SLK: variants seen among roughly 807,000 people sequenced by gnomAD.
SLK encodes STE20 like kinase.
SLK carries 67 observed loss-of-function variants against 147.7 expected under a neutral mutation model. The ratio of observed to expected loss-of-function variants is 0.45; its 90% CI spans 0.37 to 0.56. The LOEUF (loss-of-function observed/expected upper bound fraction) is 0.56, where lower values mean the gene tolerates loss of function less well. Ranked by LOEUF, SLK falls within the 20% of genes least tolerant of loss-of-function variation. The pLI, the probability that SLK is intolerant of heterozygous loss-of-function variation, is 0.00. For missense variants in SLK, 1,136 were observed against 1,438.8 expected, an observed-to-expected ratio of 0.79 and a Z score of 3.41; for synonymous variants, 441 against 475.0, an observed-to-expected ratio of 0.93 and a Z score of 0.93.
rs927148479 is a variant in SLK at position 103,969,754 on chromosome 10, G to T, written c.150+1859G>T. Among the ~76,000 whole-genome samples the T allele has an allele frequency of 2.0e-5, 3 of 152,292 alleles. No homozygotes were observed. In the South Asian group the frequency reaches 6.2e-4, roughly 32 times the overall value. ...TTAGTGCTGGCTGTCACAAACCAGC[G>T]TTGTAATCCTGGACAAAACACTTAA... On this transcript the variant is annotated intron_variant, in intron 1 of 18. Coordinates refer to ENST00000369755, the MANE Select transcript of SLK (RefSeq NM_014720.4).
chr10:103,992,839 G>A, intron 3 of SLK, 145 bp from the exon 4 acceptor site: 3 of 362,824 alleles, frequency 8.3e-6, no homozygotes, highest in Non-Finnish European at 1.4e-5. Flanking sequence ...TGTCAAGAAT[G>A]TGATCTTTGT....
intron 4 of SLK, among the ~76,000 whole-genome samples, chr10:103,997,775 T>G (rs1438642197): frequency 6.6e-6 from 1 of 152,128 alleles, no homozygotes; most frequent in Admixed American, 6.5e-5. Flanking sequence ...ATGGCTCTTT[T>G]ATGTTTTTCA....
chr10:104,001,159 C>T (rs918213631), intron 7 of SLK, among the ~76,000 whole-genome samples: 4 of 149,740 alleles, frequency 2.7e-5, no homozygotes, highest in African/African-American at 9.9e-5. Flanking sequence ...TTCAAACACA[C>T]AGAAAGTACA....
At chr10:104,019,533 A>C (rs1203655080) in intron 15 of SLK, among the ~76,000 whole-genome samples, 1 of 152,112 alleles carries the variant, frequency 6.6e-6, no homozygotes, top group African/African-American at 2.4e-5. Flanking sequence ...CAGCCTCCCA[A>C]AGTGCTGGGA....
chr10:104,016,406 A>C lies in SLK; in HGVS notation c.2878-1754A>C, dbSNP rs1364669330. Reference sequence around the variant, plus strand: ...AGTAGGAAAAAGAAAAGCTTGAACAACTTTGTTATAACTACTTAAAAGATA... The same window carrying C: ...AGTAGGAAAAAGAAAAGCTTGAACACCTTTGTTATAACTACTTAAAAGATA... On this transcript the variant is annotated intron_variant, in intron 13 of 18. Coordinates refer to ENST00000369755, the MANE Select transcript of SLK (RefSeq NM_014720.4). Among the ~76,000 whole-genome samples, 4 of 152,184 alleles carry C rather than the reference A, an allele frequency of 2.6e-5. No individual in the cohort carries two copies. In the East Asian group the frequency reaches 7.7e-4, roughly 29 times the overall value.
chr10:103,990,856 G>A lies in SLK; in HGVS notation c.315+17G>A. On this transcript the variant is annotated intron_variant, in intron 2 of 18. Transcript: ENST00000369755. ...AATCTTTGGGTAAGTATTTTCTGTT[G>A]ATCTAAAGGAGTAGCCAAAATGAGT... 4 of 1,450,636 alleles carry A rather than the reference G, an allele frequency of 2.8e-6. No individual in the cohort carries two copies. The highest frequency in any genetic ancestry group is 2.7e-6 in the Non-Finnish European group (3 of 1,101,066). 89.9% of individuals were successfully genotyped at this position (1,450,636 alleles called of 1,614,324 possible). A position where few individuals can be genotyped will look rare whatever the true frequency, so the allele number is the denominator to read the frequency against.
chr10:104,008,110 A>G (rs1844351998), intron 11 of SLK, 67 bp from the exon 12 acceptor site: 1 of 1,214,314 alleles, frequency 8.2e-7, no homozygotes, highest in Middle Eastern at 2.0e-4. Context: ...CTTAGGAAAC[A>G]TCTTTACTAT....
intron 9 of SLK, 121 bp downstream of exon 9, chr10:104,003,648 A>G (rs61861270): frequency 0.014 from 11,836 of 830,148 alleles, 108 homozygotes; most frequent in Middle Eastern, 0.017. Flanking sequence ...AACAATATAA[A>G]TTCTTACAGC....
chr10:103,990,359 A>G (rs961833032), intron 1 of SLK, among the ~76,000 whole-genome samples: 14 of 152,244 alleles, frequency 9.2e-5, no homozygotes, highest in African/African-American at 3.4e-4. Context: ...ATGTAGGTTC[A>G]TCATAGCAAC....
intron 4 of SLK, among the ~76,000 whole-genome samples, chr10:103,996,040 C>T (rs1027796999): frequency 5.3e-5 from 8 of 152,136 alleles, no homozygotes; most frequent in African/African-American, 1.7e-4. Context: ...ATATTTAATG[C>T]TCACCACCAC....
chr10:103,997,502 C>T (rs1844190469), intron 4 of SLK, among the ~76,000 whole-genome samples: 1 of 152,088 alleles, frequency 6.6e-6, no homozygotes, highest in South Asian at 2.1e-4. Flanking sequence ...GACCACCATG[C>T]TGTTCTCCAT....
intron 13 of SLK, among the ~76,000 whole-genome samples, chr10:104,012,727 C>CT (rs1349469559): frequency 6.6e-6 from 1 of 152,190 alleles, no homozygotes; most frequent in Non-Finnish European, 1.5e-5. Flanking sequence ...CCTACTTGTG[C>CT]TGCAACTTAA....
chr10:103,989,296 A>C (rs1354379226), intron 1 of SLK, among the ~76,000 whole-genome samples: 1 of 152,176 alleles, frequency 6.6e-6, no homozygotes, highest in Non-Finnish European at 1.5e-5. Context: ...TCATCAGGGA[A>C]TTGTAAATTG....
At chr10:103,997,671 C>T (rs952964355) in intron 4 of SLK, among the ~76,000 whole-genome samples, 24 of 151,928 alleles carry the variant, frequency 1.6e-4, no homozygotes, top group African/African-American at 4.6e-4. Context: ...CTTGCTTTCC[C>T]TAGTTTAGCC....
intron 1 of SLK, 112 bp from the exon 2 acceptor site, chr10:103,990,563 C>T: frequency 1.7e-6 from 1 of 588,960 alleles, no homozygotes; most frequent in Non-Finnish European, 2.7e-6. Flanking sequence ...AAAAGACAGC[C>T]TAAACGTAAA....
chr10:104,024,754 C>G (rs925426348), intron 18 of SLK, among the ~76,000 whole-genome samples: 1 of 152,170 alleles, frequency 6.6e-6, no homozygotes, highest in Non-Finnish European at 1.5e-5. Context: ...AACAAAATGC[C>G]ATAAACTGGA....
chr10:104,019,961 A>G (rs1284861904), intron 16 of SLK, 39 bp downstream of exon 16: 1 of 1,482,140 alleles, frequency 6.7e-7, no homozygotes, highest in East Asian at 2.3e-5. Flanking sequence ...TTAGGTTTAA[A>G]ATTTTTGAAT....
chr10:103,976,185 G>A (rs1451216638), intron 1 of SLK, among the ~76,000 whole-genome samples: 6 of 152,110 alleles, frequency 3.9e-5, no homozygotes, highest in Admixed American at 3.3e-4. Context: ...TTACAGGTGT[G>A]AGCCACCATG....
chr10:103,988,282 A>G (rs886548354), intron 1 of SLK, among the ~76,000 whole-genome samples: 3 of 152,150 alleles, frequency 2.0e-5, no homozygotes, highest in Non-Finnish European at 4.4e-5. Context: ...CCCTTCTTGC[A>G]TCTGCTATTT....
Sources: gnomAD v4.1 joint callset for allele counts (sites outside exome capture counted in the v4.1 genomes callset) on GRCh38, gnomAD v4.1.1 for gene constraint, MANE v1.5 for transcripts, NCBI Gene and HGNC (gene_info 2026-07-23, HGNC 2026-07-21) for gene names.